ARMH4: variants seen among roughly 807,000 people sequenced by gnomAD.
ARMH4 encodes the protein armadillo-like helical domain-containing protein 4.
ARMH4 carries 49 observed loss-of-function variants against 61.9 expected under a neutral mutation model. The observed-to-expected ratio is 0.79, with a 90% CI of 0.63 to 1.00. The LOEUF is 1.00. Among genes scored for constraint, ARMH4 ranks in the 50% least tolerant of loss-of-function variants. ARMH4 has a pLI of 0.00. For synonymous variants in ARMH4, 368 were observed against 341.5 expected (o/e 1.08, Z -0.85); for missense variants, 934 against 930.0 (o/e 1.00, Z -0.06).
chr14:58,044,493 A>G (rs2141188583), intron 5 of ARMH4, among the ~76,000 whole-genome samples: 1 of 152,344 alleles, frequency 6.6e-6, no homozygotes, highest in African/African-American at 2.4e-5. Context: ...TAAATGTTAA[A>G]CCTAAAACCA....
rs572182783 is a variant in ARMH4, at chr14:58,138,229, C to T, written c.1130G>A (p.Gly377Asp). ...LGLPEGETHT[G>D]TALLIAHGNE... ...CCCATGCGCTATTAGCAGGGCTGTG[C>T]CCGTGTGTGTTTCCCCTTCAGGCAG... is the stretch of plus-strand genomic sequence containing the variant. The change falls in exon 2 of 8, where the codon GGC becomes GAC. Residue 377 changes from glycine to aspartate, a missense_variant. Physicochemically the swap from Gly to Asp is moderately conservative, Grantham distance 94 (BLOSUM62 -1). Transcript: ENST00000267485. 9.9e-6 allele frequency: 16 copies of T among 1,614,190 alleles called. No homozygotes were observed. In the African/African-American group the frequency reaches 1.7e-4, roughly 17 times the overall value.
At position 58,133,306 on chromosome 14, in the gene ARMH4, C is replaced by T. The variant is rs781433546; in HGVS notation, c.1405G>A (p.Glu469Lys). The T allele has an allele frequency of 1.2e-6, 2 of 1,613,696 alleles. No individual in the cohort carries two copies. Among genetic ancestry groups the T allele is most frequent in the Non-Finnish European group, 1.7e-6 (2 of 1,180,002 alleles). Reference sequence around the variant, plus strand: ...ACCATGGATAAAGTGGCATCTGGCTCTTGAACAGCTGTTGTCATCTCTTGA... The same window carrying T: ...ACCATGGATAAAGTGGCATCTGGCTTTTGAACAGCTGTTGTCATCTCTTGA... ...ITQEMTTAVQ[E>K]PDATLSMVTQ... is the part of the protein sequence containing the mutation. Residue 469 changes from glutamate to lysine, a missense_variant, in exon 3 of 8, where the codon GAG (glutamate) becomes AAG (lysine). Glu to Lys is a moderately conservative substitution (Grantham distance 56). Transcript: ENST00000267485.
intron 5 of ARMH4, among the ~76,000 whole-genome samples, chr14:58,085,425 G>A (rs1211148467): frequency 1.3e-5 from 2 of 150,856 alleles, no homozygotes; most frequent in Admixed American, 6.7e-5. Context: ...CTGAGCCTAC[G>A]AGTGCATTCT....
chr14:58,151,880 C>T (rs1007077885), intron 1 of ARMH4, among the ~76,000 whole-genome samples, 195 bp downstream of exon 1: 3 of 152,202 alleles, frequency 2.0e-5, no homozygotes, highest in Non-Finnish European at 4.4e-5. Context: ...GCTGCCCCCG[C>T]GCACCCCACA....
At chr14:58,102,716 CAGG>C (rs1415632992) in intron 4 of ARMH4, among the ~76,000 whole-genome samples, 2 of 145,698 alleles carry the variant, frequency 1.4e-5, no homozygotes, top group African/African-American at 5.1e-5. Flanking sequence ...GAGGCTGAGG[CAGG>C]AGAATGGCGT....
At chr14:58,150,919 GC>G (rs1887899886) in intron 1 of ARMH4, among the ~76,000 whole-genome samples, 1 of 152,182 alleles carries the variant, frequency 6.6e-6, no homozygotes, top group South Asian at 2.1e-4. Context: ...GACTGTAGAT[GC>G]TTGGCTAAAA....
At chr14:58,052,750 C>T (rs1054396521) in intron 5 of ARMH4, among the ~76,000 whole-genome samples, 1 of 152,212 alleles carries the variant, frequency 6.6e-6, no homozygotes, top group Non-Finnish European at 1.5e-5. Flanking sequence ...TCGTTACCAT[C>T]CAATGCTGGC....
chr14:58,148,271 T>C (rs1268559859), intron 1 of ARMH4, among the ~76,000 whole-genome samples: 1 of 152,214 alleles, frequency 6.6e-6, no homozygotes, highest in African/African-American at 2.4e-5. Context: ...GGTCTCGAAC[T>C]CTTGGCTTCG....
At chr14:58,142,671 C>A (rs1887605807) in intron 1 of ARMH4, among the ~76,000 whole-genome samples, 2 of 151,944 alleles carry the variant, frequency 1.3e-5, no homozygotes, top group African/African-American at 4.8e-5. Flanking sequence ...GGGGTTTCAC[C>A]ATGTTGGCCA....
At chr14:58,081,100 T>A (rs866454793) in intron 5 of ARMH4, among the ~76,000 whole-genome samples, 2 of 148,274 alleles carry the variant, frequency 1.3e-5, no homozygotes, top group Non-Finnish European at 3.0e-5. Context: ...AGACTCTGTC[T>A]ATAAATAAAT....
intron 5 of ARMH4, among the ~76,000 whole-genome samples, chr14:58,026,655 C>T (rs1883030897): frequency 6.6e-6 from 1 of 152,154 alleles, no homozygotes. Flanking sequence ...CAAAAATTTG[C>T]CATCTTGAGA....
chr14:58,031,399 G>A (rs1883225010), intron 5 of ARMH4, among the ~76,000 whole-genome samples: 1 of 152,176 alleles, frequency 6.6e-6, no homozygotes, highest in Non-Finnish European at 1.5e-5. Flanking sequence ...GAGGCAGCCA[G>A]AGCTTTTGTT....
At chr14:58,028,612 C>T (rs1183846067) in intron 5 of ARMH4, among the ~76,000 whole-genome samples, 1 of 152,142 alleles carries the variant, frequency 6.6e-6, no homozygotes, top group Non-Finnish European at 1.5e-5. Flanking sequence ...CAGCCAAGGC[C>T]ATGTCTCTTG....
At chr14:58,064,472 A>G (rs1884638654) in intron 5 of ARMH4, among the ~76,000 whole-genome samples, 1 of 152,180 alleles carries the variant, frequency 6.6e-6, no homozygotes, top group Non-Finnish European at 1.5e-5. Context: ...ACACACAACT[A>G]TTTATACAAA....
chr14:58,105,652 A>T (rs1294362240), intron 4 of ARMH4, among the ~76,000 whole-genome samples: 1 of 151,092 alleles, frequency 6.6e-6, no homozygotes, highest in Non-Finnish European at 1.5e-5. Flanking sequence ...ACGCCACTGC[A>T]CTCCAGCCTG....
chr14:58,087,257 C>T (rs180711725), intron 5 of ARMH4, among the ~76,000 whole-genome samples: 7 of 152,282 alleles, frequency 4.6e-5, no homozygotes, highest in Admixed American at 3.3e-4. Flanking sequence ...GGAGATCCTA[C>T]GTAACCTACT....
intron 5 of ARMH4, among the ~76,000 whole-genome samples, chr14:58,044,178 CAA>C (rs1883839321): frequency 6.6e-6 from 1 of 152,134 alleles, no homozygotes; most frequent in Non-Finnish European, 1.5e-5. Context: ...GCCAAAAGAA[CAA>C]AGCTGGAGGC....
At position 58,137,063 on chromosome 14, in the gene ARMH4, A is replaced by G. The variant is rs989193431; in HGVS notation, c.1369+927T>C. Among the ~76,000 whole-genome samples, 81 of 152,244 alleles carry G rather than the reference A, an allele frequency of 5.3e-4. 1 individual carries two copies. The highest frequency in any genetic ancestry group is 2.4e-4 in the Non-Finnish European group (16 of 68,050). ...TAAGTATCCAACATTATTACAGTTT[A>G]AACATATAGCTAATTCTTTCACATT... is the stretch of plus-strand genomic sequence containing the variant. On this transcript the variant is annotated intron_variant, in intron 2 of 7. Transcript: ENST00000267485.
chr14:58,058,581 T>A (rs904391714), intron 5 of ARMH4, among the ~76,000 whole-genome samples: 2 of 152,196 alleles, frequency 1.3e-5, no homozygotes, highest in Non-Finnish European at 2.9e-5. Flanking sequence ...GATGTTGCCA[T>A]GGCATTTGCA....
Sources: allele counts gnomAD v4.1 joint callset (sites outside exome capture counted in the v4.1 genomes callset), GRCh38; gene constraint gnomAD v4.1.1; transcripts MANE v1.5; gene names NCBI Gene and HGNC (gene_info 2026-07-23, HGNC 2026-07-21).